The following LDLRAD3 variants were observed in gnomAD, a reference collection of about 807,000 sequenced individuals.
The protein encoded by LDLRAD3 is low-density lipoprotein receptor class A domain-containing protein 3.
Under a neutral mutation model 29.4 loss-of-function variants are expected in LDLRAD3, and 20 were observed. The ratio of observed to expected loss-of-function variants is 0.68; its 90% confidence interval spans 0.48 to 0.99. The LOEUF is 0.99. Among genes scored for constraint, LDLRAD3 ranks in the 50% least tolerant of loss-of-function variants. The probability of loss-of-function intolerance (pLI) is 0.00; values close to 1 mark genes in which losing one functional copy is unlikely to be tolerated. For synonymous variants in LDLRAD3, 157 were observed against 192.7 expected (o/e 0.81, Z 1.53); for missense variants, 420 against 454.3 (o/e 0.92, Z 0.69).
chr11:36,137,725 C>A lies in LDLRAD3; in HGVS notation c.454+39264C>A, dbSNP rs75413374. Among the ~76,000 whole-genome samples the A allele has an allele frequency of 8.9e-3, 1,362 of 152,280 alleles. 20 individuals carry two copies. Among genetic ancestry groups the A allele is most frequent in the African/African-American group, 0.031 (1,282 of 41,542 alleles). ...GTACCATTATGACCTAATTAGCAAG[C>A]CTTATATTTTGAATAGATAAATAGT... On this transcript the variant is annotated intron_variant, in intron 4 of 5. Coordinates refer to ENST00000315571, the MANE Select transcript of LDLRAD3 (RefSeq NM_174902.4).
chr11:35,979,323 A>AG (rs1223796146), intron 1 of LDLRAD3, among the ~76,000 whole-genome samples: 1 of 152,082 alleles, frequency 6.6e-6, no homozygotes, highest in African/African-American at 2.4e-5. Flanking sequence ...GTGCAAAAAA[A>AG]CACTTAGCTG....
intron 1 of LDLRAD3, among the ~76,000 whole-genome samples, chr11:35,986,689 G>A (rs1397918326): frequency 6.6e-6 from 1 of 152,186 alleles, no homozygotes; most frequent in Non-Finnish European, 1.5e-5. Flanking sequence ...ACCTGTTGTT[G>A]CCAGCTCCTC....
rs1253029573 is a variant in LDLRAD3 at position 36,116,624 on chromosome 11, C to T, written c.454+18163C>T. 2.6e-5 allele frequency among the ~76,000 whole-genome samples: 4 copies of T among 151,884 alleles called. No individual in the cohort carries two copies. The East Asian group carries it at 7.8e-4, about 29-fold the overall frequency. On this transcript the variant is annotated intron_variant, in intron 4 of 5. Coordinates refer to ENST00000315571, the MANE Select transcript of LDLRAD3 (RefSeq NM_174902.4). ...GAGACTCCCTGCATTATGTGGTTCT[C>T]TTCATTTCTAGTGATTGGCACCTCA...
At chr11:36,144,298 G>T (rs1253142323) in intron 4 of LDLRAD3, among the ~76,000 whole-genome samples, 9 of 151,066 alleles carry the variant, frequency 6.0e-5, no homozygotes, top group African/African-American at 1.9e-4. Flanking sequence ...CCTCCCAGCT[G>T]CCTGCCTTGG....
chr11:36,104,086 C>T (rs1853490557), intron 4 of LDLRAD3, among the ~76,000 whole-genome samples: 1 of 152,224 alleles, frequency 6.6e-6, no homozygotes, highest in Non-Finnish European at 1.5e-5. Flanking sequence ...TGGAGCCACT[C>T]TAGCATTGTC....
intron 4 of LDLRAD3, among the ~76,000 whole-genome samples, chr11:36,172,922 G>T (rs1193239013): frequency 6.6e-6 from 1 of 152,110 alleles, no homozygotes; most frequent in Non-Finnish European, 1.5e-5. Context: ...TTCCTTGAAT[G>T]TCTGATAGAA....
At chr11:36,076,739 A>G (rs780825879) in intron 2 of LDLRAD3, among the ~76,000 whole-genome samples, 1 of 152,180 alleles carries the variant, frequency 6.6e-6, no homozygotes, top group Non-Finnish European at 1.5e-5. Flanking sequence ...AAATCTTACA[A>G]TATATTTACA....
intron 2 of LDLRAD3, among the ~76,000 whole-genome samples, chr11:36,076,624 GA>G (rs1384260835): frequency 6.6e-6 from 1 of 152,118 alleles, no homozygotes; most frequent in African/African-American, 2.4e-5. Flanking sequence ...CTGACCTTGT[GA>G]TCCACCCACC....
intron 4 of LDLRAD3, among the ~76,000 whole-genome samples, chr11:36,172,213 A>T (rs1377317103): frequency 5.3e-5 from 8 of 152,204 alleles, no homozygotes; most frequent in Admixed American, 5.2e-4. Flanking sequence ...TGTCAGATCT[A>T]GGAGACTCTA....
chr11:36,000,470 T>C (rs1360311302), intron 1 of LDLRAD3, among the ~76,000 whole-genome samples: 1 of 151,934 alleles, frequency 6.6e-6, no homozygotes, highest in East Asian at 1.9e-4. Flanking sequence ...TTTTCAACCA[T>C]CCATCTCAGT....
intron 1 of LDLRAD3, among the ~76,000 whole-genome samples, chr11:36,002,952 A>G (rs1345856577): frequency 6.6e-6 from 1 of 152,254 alleles, no homozygotes; most frequent in African/African-American, 2.4e-5. Context: ...TCTGGCATAT[A>G]GAGTAACCTT....
At chr11:35,960,277 C>T (rs1851259580) in intron 1 of LDLRAD3, among the ~76,000 whole-genome samples, 1 of 152,200 alleles carries the variant, frequency 6.6e-6, no homozygotes, top group African/African-American at 2.4e-5. Context: ...GAATATACTA[C>T]ACTTTGCTCA....
intron 4 of LDLRAD3, among the ~76,000 whole-genome samples, chr11:36,215,953 C>T (rs894232821): frequency 1.3e-5 from 2 of 152,202 alleles, no homozygotes; most frequent in African/African-American, 4.8e-5. Context: ...CTTTGGACTC[C>T]TTGTGAATTT....
chr11:36,188,915 G>T (rs1212917830), intron 4 of LDLRAD3, among the ~76,000 whole-genome samples: 14 of 151,654 alleles, frequency 9.2e-5, no homozygotes, highest in Admixed American at 9.2e-4. Context: ...TAAGAGATTG[G>T]ATGTCAATGA....
At chr11:36,056,067 C>G (rs936924116) in intron 2 of LDLRAD3, among the ~76,000 whole-genome samples, 1 of 144,354 alleles carries the variant, frequency 6.9e-6, no homozygotes, top group East Asian at 2.1e-4. Context: ...ATGATCTCAG[C>G]TCACTGCAGC....
intron 1 of LDLRAD3, among the ~76,000 whole-genome samples, chr11:35,966,694 C>G (rs920399997): frequency 5.3e-5 from 8 of 152,086 alleles, no homozygotes; most frequent in African/African-American, 1.9e-4. Context: ...TCAGAGATGT[C>G]CAAGTTATAT....
In LDLRAD3 at chr11:36,114,480, T is replaced by C. The variant is rs555930961; in HGVS notation, c.454+16019T>C. 2.3e-4 allele frequency among the ~76,000 whole-genome samples: 35 copies of C among 152,356 alleles called. No individual in the cohort carries two copies. In the South Asian group the frequency reaches 7.0e-3, roughly 31 times the overall value. On this transcript the variant is annotated intron_variant, in intron 4 of 5. Transcript: ENST00000315571. ...TGACCCTTGGAAAGCCAAGCTTTTA[T>C]CTTGATTTTGGAGTGTGATCAAGGT...
At chr11:36,166,376 G>A (rs1413397588) in intron 4 of LDLRAD3, among the ~76,000 whole-genome samples, 4 of 152,136 alleles carry the variant, frequency 2.6e-5, no homozygotes, top group African/African-American at 9.7e-5. Context: ...ACATGGAAGG[G>A]GGAAAGGTGA....
Position 36,108,319 on chromosome 11 carries a change from C to CA in LDLRAD3, c.454+9887dup, listed in dbSNP as rs60376519. Among the ~76,000 whole-genome samples, 155 of 48,976 alleles carry CA rather than the reference C, an allele frequency of 3.2e-3. 12 individuals carry two copies. The highest frequency in any genetic ancestry group is 6.0e-3 in the East Asian group (9 of 1,500). 32.1% of individuals were successfully genotyped at this position (48,976 alleles called of 152,430 possible). The stretch of plus-strand genomic sequence containing the variant: ...TGGGTGACAGAGCGAGACTCCATCT[C>CA]AAAAAAAAAAAAAAAAAAAAAAAAA... On this transcript the variant is annotated intron_variant, in intron 4 of 5. Coordinates refer to ENST00000315571, the MANE Select transcript of LDLRAD3 (RefSeq NM_174902.4).
Sources: gnomAD v4.1 joint callset for allele counts (sites outside exome capture counted in the v4.1 genomes callset) on GRCh38, gnomAD v4.1.1 for gene constraint, MANE v1.5 for transcripts, NCBI Gene and HGNC (gene_info 2026-07-23, HGNC 2026-07-21) for gene names.